IKZF2: variants seen among roughly 807,000 people sequenced by gnomAD.
IKZF2 encodes IKAROS family zinc finger 2.
IKZF2 carries 15 observed loss-of-function variants against 49.2 expected under a neutral mutation model. The observed-to-expected ratio is 0.30, with a 90% CI of 0.20 to 0.47. IKZF2 has a LOEUF of 0.47. Among genes scored for constraint, IKZF2 ranks in the 20% least tolerant of loss-of-function variants. The pLI, the probability that IKZF2 is intolerant of heterozygous loss-of-function variation, is 1.00. For synonymous variants in IKZF2, 227 were observed against 221.4 expected (o/e 1.03, Z -0.23); for missense variants, 567 against 664.6 (o/e 0.85, Z 1.61).
At chr2:213,108,302 GTAAA>G (rs2059597777) in intron 4 of IKZF2, among the ~76,000 whole-genome samples, 1 of 152,024 alleles carries the variant, frequency 6.6e-6, no homozygotes, top group Non-Finnish European at 1.5e-5. Context: ...TCTACATGAC[GTAAA>G]TATTTTACAT....
At chr2:213,091,512 C>A (rs1189571744) in intron 4 of IKZF2, among the ~76,000 whole-genome samples, 2 of 152,116 alleles carry the variant, frequency 1.3e-5, no homozygotes, top group Non-Finnish European at 2.9e-5. Context: ...AAGAAACTTG[C>A]AAGGCATGTT....
chr2:213,083,650 C>T (rs2125587696), intron 4 of IKZF2, among the ~76,000 whole-genome samples: 2 of 150,406 alleles, frequency 1.3e-5, no homozygotes, highest in East Asian at 3.9e-4. Flanking sequence ...GATCCGCCCA[C>T]CTCGGCCTCC....
At chr2:213,106,010 T>C (rs1412668751) in intron 4 of IKZF2, among the ~76,000 whole-genome samples, 1 of 152,222 alleles carries the variant, frequency 6.6e-6, no homozygotes, top group Non-Finnish European at 1.5e-5. Flanking sequence ...AAACGTTTTC[T>C]TCAATCAGTA....
chr2:213,079,136 C>G (rs1703611640), intron 4 of IKZF2, among the ~76,000 whole-genome samples: 1 of 152,022 alleles, frequency 6.6e-6, no homozygotes, highest in South Asian at 2.1e-4. Flanking sequence ...GTAGTCCCAA[C>G]AGTTTGGGAG....
intron 4 of IKZF2, among the ~76,000 whole-genome samples, chr2:213,146,759 C>CGGGGGGGGGG (rs57884895): frequency 1.1e-5 from 1 of 87,156 alleles, no homozygotes; most frequent in Admixed American, 1.1e-4. Flanking sequence ...ATTAAATCTT[C>CGGGGGGGGGG]GGGGGGGGGG....
intron 4 of IKZF2, among the ~76,000 whole-genome samples, chr2:213,119,813 T>C (rs534269229): frequency 1.3e-5 from 2 of 152,324 alleles, no homozygotes; most frequent in East Asian, 1.9e-4. Flanking sequence ...CAGATTAAAA[T>C]TGGCCTTTAC....
intron 4 of IKZF2, among the ~76,000 whole-genome samples, chr2:213,065,841 T>C (rs1202329318): frequency 1.3e-5 from 2 of 151,956 alleles, no homozygotes; most frequent in Non-Finnish European, 2.9e-5. Flanking sequence ...AAAAAACAGA[T>C]GTCAATATGT....
chr2:213,029,662 C>A (rs2125167696), intron 6 of IKZF2, among the ~76,000 whole-genome samples: 1 of 152,056 alleles, frequency 6.6e-6, no homozygotes, highest in East Asian at 1.9e-4. Flanking sequence ...CTGTGGCCAT[C>A]TAAGATGAAA....
At chr2:213,148,375 ATTGAT>A (rs2061153489) in intron 3 of IKZF2, among the ~76,000 whole-genome samples, 1 of 152,238 alleles carries the variant, frequency 6.6e-6, no homozygotes, top group Admixed American at 6.5e-5. Context: ...GCTAGCTACT[ATTGAT>A]TTAAGTACAC....
At chr2:213,082,161 T>G (rs1275168518) in intron 4 of IKZF2, among the ~76,000 whole-genome samples, 3 of 152,188 alleles carry the variant, frequency 2.0e-5, no homozygotes, top group Non-Finnish European at 4.4e-5. Flanking sequence ...TTCTATACAT[T>G]GTTATGTGCT....
At chr2:213,122,578 T>C (rs1400760661) in intron 4 of IKZF2, among the ~76,000 whole-genome samples, 1 of 152,234 alleles carries the variant, frequency 6.6e-6, no homozygotes, top group African/African-American at 2.4e-5. Flanking sequence ...AAGAATTTCA[T>C]AATGTCTCTT....
intron 4 of IKZF2, among the ~76,000 whole-genome samples, chr2:213,110,931 T>G (rs2059685215): frequency 6.6e-6 from 1 of 152,036 alleles, no homozygotes; most frequent in African/African-American, 2.4e-5. Context: ...TATTTTTCTG[T>G]GAACTGTGTG....
intron 4 of IKZF2, among the ~76,000 whole-genome samples, chr2:213,126,212 A>C (rs2125865971): frequency 6.6e-6 from 1 of 152,260 alleles, no homozygotes; most frequent in Non-Finnish European, 1.5e-5. Context: ...ATCATGCCAT[A>C]ACACCAAAGT....
At position 213,003,185 on chromosome 2, in the gene IKZF2, T is replaced by C. The variant is rs1469319857; in HGVS notation, c.*4175A>G. On this transcript the variant is annotated 3_prime_UTR_variant, in exon 9 of 9. Coordinates refer to ENST00000434687, the MANE Select transcript of IKZF2 (RefSeq NM_001387220.1). ...TGCAACAGCTAACCAACACTCTCAA[T>C]GCATTTTAAAAAGGCACCAATATAA... 6.6e-6 allele frequency: 1 copy of C among 152,128 alleles called. No individual in the cohort carries two copies. Among genetic ancestry groups the C allele is most frequent in the East Asian group, 1.9e-4 (1 of 5,176 alleles). 9.4% of individuals were successfully genotyped at this position (152,128 alleles called of 1,614,324 possible).
intron 6 of IKZF2, among the ~76,000 whole-genome samples, chr2:213,049,322 CA>C (rs1034594960): frequency 2.0e-5 from 3 of 151,424 alleles, no homozygotes; most frequent in South Asian, 2.1e-4. Context: ...CTGTATCAGT[CA>C]AAAAAAATCA....
intron 4 of IKZF2, among the ~76,000 whole-genome samples, chr2:213,112,200 C>T (rs946496885): frequency 1.3e-5 from 2 of 151,732 alleles, no homozygotes; most frequent in African/African-American, 4.8e-5. Flanking sequence ...GTATTTTATC[C>T]TAACACTGTT....
chr2:213,130,226 A>G (rs1256324189), intron 4 of IKZF2, among the ~76,000 whole-genome samples: 1 of 152,200 alleles, frequency 6.6e-6, no homozygotes, highest in Admixed American at 6.5e-5. Flanking sequence ...GAAAATAAAA[A>G]CACTTGGTAA....
intron 4 of IKZF2, 33 bp downstream of exon 4, chr2:213,147,675 C>T (rs775454134): frequency 6.6e-7 from 1 of 1,510,954 alleles, no homozygotes; most frequent in Non-Finnish European, 9.2e-7. Flanking sequence ...GAGACACACA[C>T]ACACAAAAAA....
At chr2:213,066,697 T>A (rs79628021) in intron 4 of IKZF2, among the ~76,000 whole-genome samples, 2,718 of 152,046 alleles carry the variant, frequency 0.018, 31 homozygotes, top group Middle Eastern at 0.037. Context: ...GCAGCAGCAG[T>A]TTGTTGTTGT....
Sources: allele counts gnomAD v4.1 joint callset (sites outside exome capture counted in the v4.1 genomes callset), GRCh38; gene constraint gnomAD v4.1.1; transcripts MANE v1.5; gene names NCBI Gene and HGNC (gene_info 2026-07-23, HGNC 2026-07-21).